Variants in ATR observed in about 807,000 individuals in gnomAD.
ATR encodes the protein ATR checkpoint kinase.
Under a neutral mutation model 305.3 loss-of-function variants are expected in ATR, and 142 were observed. The ratio of observed to expected loss-of-function variants is 0.47; its 90% confidence interval spans 0.41 to 0.53. The LOEUF (loss-of-function observed/expected upper bound fraction) is 0.53, where lower values mean the gene tolerates loss of function less well. Ranked by LOEUF, ATR falls within the 20% of genes least tolerant of loss-of-function variation. The pLI, the probability that ATR is intolerant of heterozygous loss-of-function variation, is 0.00. For synonymous variants in ATR, 1,050 were observed against 1,068.1 expected, an observed-to-expected ratio of 0.98 and a Z score of 0.33; for missense variants, 2,135 against 3,133.1, an observed-to-expected ratio of 0.68 and a Z score of 7.60.
intron 21 of ATR, among the ~76,000 whole-genome samples, chr3:142,529,814 C>T (rs1279308181): frequency 1.3e-5 from 2 of 151,916 alleles, no homozygotes; most frequent in Non-Finnish European, 2.9e-5. Flanking sequence ...TTTCTCCTTG[C>T]AAGTAATTTT....
rs1351809006 is a variant in ATR at position 142,560,351 on chromosome 3, G to A, written c.1453C>T (p.Pro485Ser). The A allele has an allele frequency of 1.2e-6, 2 of 1,613,742 alleles. No individual in the cohort carries two copies. Among genetic ancestry groups the A allele is most frequent in the Middle Eastern group, 1.7e-4 (1 of 6,056 alleles). The part of the protein sequence containing the change: ...ISLEYSGLKN[P>S]VIEMLEGIAV... ...ATTCCTTCTAACATCTCAATAACAGGATTCTTTAGGCCACTGTATTCAAGG... is the reference window on the plus strand; with the variant it reads ...ATTCCTTCTAACATCTCAATAACAGAATTCTTTAGGCCACTGTATTCAAGG... Residue 485 changes from proline to serine, a missense_variant, in exon 6 of 47, where the codon CCT becomes TCT. Pro to Ser is a moderately conservative substitution (Grantham distance 74). Around this residue, in one of 9 missense-constraint regions of ATR, gnomAD observed 744 missense variants for 873.2 expected, o/e 0.85. Coordinates refer to ENST00000350721, the MANE Select transcript of ATR (RefSeq NM_001184.4).
At position 142,559,371 on chromosome 3, in the gene ATR, C is replaced by T; in HGVS notation, c.1612G>A (p.Asp538Asn). Reference protein sequence around the residue: ...PSVVITWMSLDFYTKVLKSCR... With the variant: ...PSVVITWMSLNFYTKVLKSCR... The stretch of plus-strand genomic sequence containing the variant: ...CTCTTAAGCACTTTTGTGTAAAAAT[C>T]CAATGACATCCAAGTTATCACTACA... The change falls in exon 7 of 47, where the codon GAT becomes AAT. Residue 538 changes from aspartate (D) to asparagine (N), a missense_variant. Asp to Asn is a conservative substitution (Grantham distance 23). Around this residue, in one of 9 missense-constraint regions of ATR, gnomAD observed 744 missense variants for 873.2 expected, o/e 0.85. Coordinates refer to ENST00000350721, the MANE Select transcript of ATR (RefSeq NM_001184.4). 6.2e-7 allele frequency: 1 copy of T among 1,613,880 alleles called. No homozygotes were observed. Among genetic ancestry groups the T allele is most frequent in the South Asian group, 1.1e-5 (1 of 91,072 alleles).
In ATR at chr3:142,512,240, A is replaced by AAAAAAAT; in HGVS notation, c.4852+19_4852+20insATTTTTT. Reference sequence around the variant, plus strand: ...ATAGCTAAAAAAAAAAAAAAAAAAGAAACAGAAGTGATAACTCACCCATTG... The same window carrying AAAAAAAT: ...ATAGCTAAAAAAAAAAAAAAAAAAGAAAAAAATAACAGAAGTGATAACTCACCCATTG... On this transcript the variant is annotated intron_variant, in intron 27 of 46. Coordinates refer to ENST00000350721, the MANE Select transcript of ATR (RefSeq NM_001184.4). 1 of 1,561,794 alleles carries AAAAAAAT rather than the reference A, an allele frequency of 6.4e-7. No individual in the cohort carries two copies. The highest frequency in any genetic ancestry group is 8.8e-7 in the Non-Finnish European group (1 of 1,142,818).
chr3:142,536,626 G>A (rs1350259987), intron 19 of ATR, among the ~76,000 whole-genome samples: 1 of 152,186 alleles, frequency 6.6e-6, no homozygotes, highest in Non-Finnish European at 1.5e-5. Flanking sequence ...CACCAACATG[G>A]ACAGACCGTG....
In ATR at chr3:142,513,634, C is replaced by T. The variant is rs755364026; in HGVS notation, c.4508G>A (p.Arg1503Gln). Residue 1503 changes from arginine to glutamine, a missense_variant, in exon 26 of 47, where the codon CGA becomes CAA. Coordinates refer to ENST00000350721, the MANE Select transcript of ATR (RefSeq NM_001184.4). ...SWAGYLITKV[R>Q]HDLASKIFTC... ...GAAAATTTTACTGGCAAGATCATGT[C>T]GAACCTGTAAATGCAAAATGTGTAG... The T allele has an allele frequency of 8.7e-6, 14 of 1,613,434 alleles. No homozygotes were observed. Among genetic ancestry groups the T allele is most frequent in the Middle Eastern group, 1.7e-4 (1 of 6,024 alleles).
chr3:142,493,335 A>T, intron 34 of ATR, 24 bp from the exon 35 acceptor site: 1 of 1,588,702 alleles, frequency 6.3e-7, no homozygotes, highest in Non-Finnish European at 8.6e-7. Flanking sequence ...GGCAACAATA[A>T]GCCTTTTAAT....
chr3:142,468,015 A>C lies in ATR; in HGVS notation c.6606T>G (p.Ile2202Met), dbSNP rs1559911920. ...ACTTCTCTAAGGATTTTTTCATATG[A>C]ATAGCTTTATTGAGGATTTCCTTGC... ...NRCKEILNKA[I>M]HMKKSLEKFV... is the part of the protein sequence containing the mutation. Residue 2202 changes from isoleucine to methionine, a missense_variant, in exon 39 of 47, where the codon ATT becomes ATG. Ile to Met is a conservative substitution (Grantham distance 10, BLOSUM62 1). Transcript: ENST00000350721. 1 of 1,613,060 alleles carries C rather than the reference A, an allele frequency of 6.2e-7. No homozygotes were observed. The highest frequency in any genetic ancestry group is 8.5e-7 in the Non-Finnish European group (1 of 1,179,474).
chr3:142,456,044 G>C (rs2070897840), intron 45 of ATR, among the ~76,000 whole-genome samples: 1 of 152,196 alleles, frequency 6.6e-6, no homozygotes, highest in Non-Finnish European at 1.5e-5. Flanking sequence ...GGCTGGGCGG[G>C]GTGGCTCATG....
chr3:142,549,336 A>T, intron 15 of ATR, 143 bp downstream of exon 15: 1 of 580,240 alleles, frequency 1.7e-6, no homozygotes, highest in Non-Finnish European at 2.8e-6. Flanking sequence ...CAGGACAAAG[A>T]TTATTTAACA....
At chr3:142,451,802 T>A (rs1173811737) in intron 46 of ATR, 2 of 1,246,806 alleles carry the variant, frequency 1.6e-6, no homozygotes, top group Non-Finnish European at 2.1e-6. Flanking sequence ...TCCAGTTAGA[T>A]ATGTATATAG....
chr3:142,479,774 CT>C (rs1559923447), intron 36 of ATR, among the ~76,000 whole-genome samples: 1 of 152,126 alleles, frequency 6.6e-6, no homozygotes, highest in Non-Finnish European at 1.5e-5. Flanking sequence ...TTCTTGGAGG[CT>C]TTGTTCGTTT....
intron 16 of ATR, among the ~76,000 whole-genome samples, chr3:142,543,032 T>C (rs1040987055): frequency 6.6e-6 from 1 of 152,172 alleles, no homozygotes; most frequent in Non-Finnish European, 1.5e-5. Flanking sequence ...TTTTTAATCA[T>C]GGAGTGAACT....
intron 46 of ATR, chr3:142,451,000 C>G: frequency 8.0e-7 from 1 of 1,244,686 alleles, no homozygotes; most frequent in Non-Finnish European, 1.0e-6. Context: ...AAGCTGTGAA[C>G]TACACCATCA....
intron 22 of ATR, among the ~76,000 whole-genome samples, chr3:142,523,222 C>T (rs979493216): frequency 2.6e-5 from 4 of 152,094 alleles, no homozygotes; most frequent in African/African-American, 9.7e-5. Flanking sequence ...GAGTTCAAGA[C>T]CAGACTGGCC....
At chr3:142,524,837 T>C (rs2033302091) in intron 21 of ATR, among the ~76,000 whole-genome samples, 1 of 152,160 alleles carries the variant, frequency 6.6e-6, no homozygotes, top group Non-Finnish European at 1.5e-5. Context: ...CTGTAATGAA[T>C]AAAATGTTAA....
chr3:142,554,609 G>A (rs1346830164), intron 10 of ATR, among the ~76,000 whole-genome samples: 2 of 152,112 alleles, frequency 1.3e-5, no homozygotes, highest in East Asian at 3.9e-4. Flanking sequence ...ACCATTATAT[G>A]TTACCAAGAT....
rs1226712233 is a variant in ATR at position 142,553,745 on chromosome 3, A to C, written c.2533-5T>G. ...CTTCATTCTTAAGACAAAAAGCTAG[A>C]ACAATAAAATTAACTGGTTAAAGAA... On this transcript the variant is annotated splice_region_variant and splice_polypyrimidine_tract_variant and intron_variant, in intron 11 of 46. Coordinates refer to ENST00000350721, the MANE Select transcript of ATR (RefSeq NM_001184.4). 1 of 1,611,646 alleles carries C rather than the reference A, an allele frequency of 6.2e-7. No homozygotes were observed. The highest frequency in any genetic ancestry group is 8.5e-7 in the Non-Finnish European group (1 of 1,177,918).
chr3:142,519,377 C>A (rs1281316350), intron 24 of ATR, among the ~76,000 whole-genome samples: 1 of 151,848 alleles, frequency 6.6e-6, no homozygotes, highest in East Asian at 1.9e-4. Context: ...TCTCGGCTCA[C>A]TGCAACCTCT....
At position 142,553,621 on chromosome 3, in the gene ATR, C is replaced by T; in HGVS notation, c.2633+19G>A. On this transcript the variant is annotated intron_variant, in intron 12 of 46. Transcript: ENST00000350721. ...TGGCCAAAATAAATAAGGAAGAACA[C>T]AAATGCTGCCAAGTATACCTTCCAA... 6.3e-7 allele frequency: 1 copy of T among 1,578,494 alleles called. No homozygotes were observed. Among genetic ancestry groups the T allele is most frequent in the Admixed American group, 1.7e-5 (1 of 58,838 alleles).
Sources: gnomAD v4.1 joint callset for allele counts (sites outside exome capture counted in the v4.1 genomes callset) on GRCh38, gnomAD v4.1.1 for gene constraint, gnomAD v4.1.1 regional missense constraint, MANE v1.5 for transcripts, NCBI Gene and HGNC (gene_info 2026-07-23, HGNC 2026-07-21) for gene names.